Variants in DELE1 observed in about 807,000 individuals in gnomAD.
DELE1 encodes the protein DAP3 binding cell death enhancer 1.
DELE1 carries 54 observed loss-of-function variants against 59.3 expected under a neutral mutation model. The observed-to-expected ratio is 0.91, with a 90% CI of 0.73 to 1.14. The LOEUF is 1.14. DELE1 is among the 50% of genes most tolerant of loss of function. DELE1 has a pLI of 0.00. For synonymous variants in DELE1, 264 were observed against 259.1 expected, an observed-to-expected ratio of 1.02 and a Z score of -0.18; for missense variants, 636 against 643.9, an observed-to-expected ratio of 0.99 and a Z score of 0.13.
At position 141,929,749 on chromosome 5, in the gene DELE1, C is replaced by T. The variant is rs1294717583; in HGVS notation, c.571+9C>T. The T allele has an allele frequency of 5.6e-6, 9 of 1,613,938 alleles. No individual in the cohort carries two copies. On this transcript the variant is annotated intron_variant, in intron 5 of 11. Transcript: ENST00000432126. The stretch of plus-strand genomic sequence containing the variant: ...GGACCCCTCTGAGGAAGGTATGTCC[C>T]TGCCTCATGGAATCAGCAGAAGGCA...
chr5:141,933,926 C>A (rs1024588623), intron 8 of DELE1: 7 of 193,082 alleles, frequency 3.6e-5, no homozygotes, highest in Middle Eastern at 2.0e-3. Flanking sequence ...CCCCCCCCCA[C>A]ACATATGTGC....
intron 2 of DELE1, among the ~76,000 whole-genome samples, chr5:141,925,143 A>T (rs921541802): frequency 6.6e-6 from 1 of 151,282 alleles, no homozygotes; most frequent in Non-Finnish European, 1.5e-5. Flanking sequence ...GTTAGCCAGG[A>T]TGGTCTTGAT....
chr5:141,936,964 C>T (rs1259770195), intron 10 of DELE1: 1 of 1,356,190 alleles, frequency 7.4e-7, no homozygotes, highest in Admixed American at 3.0e-5. Flanking sequence ...CTCCACACTG[C>T]CCTGGCTGGA....
chr5:141,941,545 AG>A lies in DELE1; in HGVS notation c.*2787del. The A allele has an allele frequency of 1.0e-6, 1 of 985,454 alleles. No homozygotes were observed. Among genetic ancestry groups the A allele is most frequent in the Non-Finnish European group, 1.2e-6 (1 of 829,962 alleles). 61.0% of individuals were successfully genotyped at this position (985,454 alleles called of 1,614,324 possible). ...ATTCTGTTATTAATGACTCATCATCAGTGCCCCAGAGGAAGTGTGAGAGGAC... is the reference window on the plus strand; with the variant it reads ...ATTCTGTTATTAATGACTCATCATCATGCCCCAGAGGAAGTGTGAGAGGAC... On this transcript the variant is annotated 3_prime_UTR_variant, in exon 12 of 12. Coordinates refer to ENST00000432126, the MANE Select transcript of DELE1 (RefSeq NM_014773.5).
At chr5:141,937,962 T>C (rs2126900243) in intron 11 of DELE1, among the ~76,000 whole-genome samples, 1 of 151,484 alleles carries the variant, frequency 6.6e-6, no homozygotes, top group Non-Finnish European at 1.5e-5. Context: ...GTAGCTGGGA[T>C]TACAGGCACC....
chr5:141,931,751 G>A (rs750619303), intron 7 of DELE1, among the ~76,000 whole-genome samples: 1 of 152,190 alleles, frequency 6.6e-6, no homozygotes, highest in Non-Finnish European at 1.5e-5. Context: ...TTTTCAGGCA[G>A]CAAGGAGGCA....
rs1167195299 is a variant in DELE1 at position 141,940,368 on chromosome 5, G to A, written c.*1609G>A. On this transcript the variant is annotated 3_prime_UTR_variant, in exon 12 of 12. Transcript: ENST00000432126. ...GTGAATAGCTATTCCCTGGCTTCTG[G>A]ATGTTAGCCCAAGTTGAATAGCATA... The A allele has an allele frequency of 1.6e-5, 16 of 985,314 alleles. No individual in the cohort carries two copies. The highest frequency in any genetic ancestry group is 1.9e-5 in the Non-Finnish European group (16 of 829,952). The allele number at this position is 985,314 out of a possible 1,614,324, so 61.0% of individuals were successfully genotyped here.
At chr5:141,937,063 G>C in intron 10 of DELE1, 135 bp from the exon 11 acceptor site, 4 of 1,517,870 alleles carry the variant, frequency 2.6e-6, no homozygotes, top group Non-Finnish European at 3.5e-6. Context: ...CTTGCTATGG[G>C]GCGGGCCAGG....
rs367895675 is a variant in DELE1, at chr5:141,928,149, A to G, written c.265-2A>G. The G allele has an allele frequency of 1.2e-5, 20 of 1,612,828 alleles. No homozygotes were observed. The highest frequency in any genetic ancestry group is 1.2e-4 in the Admixed American group (7 of 59,866). On this transcript the variant is annotated splice_acceptor_variant, in intron 3 of 11. Coordinates refer to ENST00000432126, the MANE Select transcript of DELE1 (RefSeq NM_014773.5). LOFTEE classifies it high-confidence loss of function. ...GTGTCCTTAACGTGCTGTCTTTCCC[A>G]GGGCACTCTGGCCGTGCTGGCCCTG...
chr5:141,935,464 A>C (rs1407560807), intron 10 of DELE1, among the ~76,000 whole-genome samples: 1 of 152,230 alleles, frequency 6.6e-6, no homozygotes, highest in East Asian at 1.9e-4. Context: ...TAAATCAAGC[A>C]ATATATGCGT....
intron 3 of DELE1, among the ~76,000 whole-genome samples, chr5:141,926,431 G>T (rs934416973): frequency 1.3e-5 from 2 of 152,150 alleles, no homozygotes; most frequent in African/African-American, 4.8e-5. Context: ...AAAAATATTT[G>T]TTGAACCTGA....
Position 141,940,134 on chromosome 5 carries a change from CAG to C in DELE1, c.*1377_*1378del, listed in dbSNP as rs909497016. 4.1e-6 allele frequency: 4 copies of C among 985,272 alleles called. No individual in the cohort carries two copies. The African/African-American group carries it at 5.2e-5, about 13-fold the overall frequency. The allele number at this position is 985,272 out of a possible 1,614,324, so 61.0% of individuals were successfully genotyped here. A position where few individuals can be genotyped will look rare whatever the true frequency, so the allele number is the denominator to read the frequency against. On this transcript the variant is annotated 3_prime_UTR_variant, in exon 12 of 12. Transcript: ENST00000432126. Reference sequence around the variant, plus strand: ...AGAAATGTCTAGGTGTTTAATAAAACAGATATTGGATTATCTCATCACTCTTG... The same window carrying C: ...AGAAATGTCTAGGTGTTTAATAAAACATATTGGATTATCTCATCACTCTTG...
rs1275917886 is a variant in DELE1 at position 141,940,763 on chromosome 5, C to T, written c.*2004C>T. The T allele has an allele frequency of 1.0e-6, 1 of 978,538 alleles. No homozygotes were observed. Among genetic ancestry groups the T allele is most frequent in the Non-Finnish European group, 1.2e-6 (1 of 823,790 alleles). 60.6% of individuals were successfully genotyped at this position (978,538 alleles called of 1,614,324 possible). On this transcript the variant is annotated 3_prime_UTR_variant, in exon 12 of 12. Transcript: ENST00000432126. ...GAGCAGGGTCCTTGTCTTTGTATTC[C>T]AGTGTCCCCAGCACTGAGTGCAAGG...
intron 3 of DELE1, among the ~76,000 whole-genome samples, chr5:141,925,828 A>G (rs1751358500): frequency 6.6e-6 from 1 of 151,242 alleles, no homozygotes; most frequent in African/African-American, 2.4e-5. Context: ...GGATCTTACA[A>G]TAAATAATAA....
intron 10 of DELE1, among the ~76,000 whole-genome samples, chr5:141,935,843 C>T (rs918584218): frequency 6.6e-6 from 1 of 152,218 alleles, no homozygotes; most frequent in Admixed American, 6.5e-5. Flanking sequence ...CAACACACTT[C>T]CACCCCACAG....
Position 141,941,790 on chromosome 5 carries a change from A to G in DELE1, c.*3031A>G, listed in dbSNP as rs546724005. The G allele has an allele frequency of 6.6e-5, 65 of 985,290 alleles. No homozygotes were observed. The highest frequency in any genetic ancestry group is 7.7e-5 in the Non-Finnish European group (64 of 829,922). The allele number at this position is 985,290 out of a possible 1,614,324, so 61.0% of individuals were successfully genotyped here. ...TATAGTGTGGGGCACTCAGATGTTC[A>G]GTAAATATACATTCAACAAATAAGT... On this transcript the variant is annotated 3_prime_UTR_variant, in exon 12 of 12. Transcript: ENST00000432126.
intron 3 of DELE1, among the ~76,000 whole-genome samples, 162 bp from the exon 4 acceptor site, chr5:141,927,989 C>G (rs1417815012): frequency 6.6e-6 from 1 of 152,166 alleles, no homozygotes; most frequent in Non-Finnish European, 1.5e-5. Flanking sequence ...TGTTTAAATG[C>G]CAGTGTGGTC....
intron 10 of DELE1, 60 bp from the exon 11 acceptor site, chr5:141,937,138 G>C: frequency 1.2e-6 from 2 of 1,602,038 alleles, no homozygotes; most frequent in Non-Finnish European, 8.5e-7. Flanking sequence ...TCCTCCCTTA[G>C]CATGTCAGTT....
At position 141,928,227 on chromosome 5, in the gene DELE1, G is replaced by A. The variant is rs997600066; in HGVS notation, c.341G>A (p.Arg114Gln). ...GCATCCCTGCCAGCAGGACCTCAGC[G>A]GGTAGAACACTGCTCCTGGCACAGT... ...FQASLPAGPQ[R>Q]VEHCSWHSPL... is the part of the protein sequence containing the mutation. Residue 114 changes from arginine to glutamine, a missense_variant, in exon 4 of 12, where the codon CGG becomes CAG. Coordinates refer to ENST00000432126, the MANE Select transcript of DELE1 (RefSeq NM_014773.5). The A allele has an allele frequency of 1.2e-5, 20 of 1,614,094 alleles. No individual in the cohort carries two copies. The highest frequency in any genetic ancestry group is 1.6e-5 in the Non-Finnish European group (19 of 1,180,050).
Sources: allele counts gnomAD v4.1 joint callset (sites outside exome capture counted in the v4.1 genomes callset), GRCh38; gene constraint gnomAD v4.1.1; transcripts MANE v1.5; gene names NCBI Gene and HGNC (gene_info 2026-07-23, HGNC 2026-07-21).